Variants in TMEM132C observed in about 807,000 individuals in gnomAD.
The protein encoded by TMEM132C is protein phosphatase 1, regulatory subunit 152.
In TMEM132C, 29 loss-of-function variants were observed where a neutral mutation model predicts 61.4. The observed-to-expected ratio is 0.47, with a 90% CI of 0.35 to 0.64. The LOEUF (loss-of-function observed/expected upper bound fraction) is 0.64. TMEM132C is among the 30% of genes least tolerant of loss of function. The pLI is 0.00. For synonymous variants in TMEM132C, 656 were observed against 633.1 expected, an observed-to-expected ratio of 1.04 and a Z score of -0.54; for missense variants, 1,408 against 1,476.9, an observed-to-expected ratio of 0.95 and a Z score of 0.76.
chr12:128,662,514 C>CG (rs1954401823), intron 4 of TMEM132C, among the ~76,000 whole-genome samples: 1 of 152,142 alleles, frequency 6.6e-6, no homozygotes, highest in Non-Finnish European at 1.5e-5. Flanking sequence ...CTTGACCTGC[C>CG]GAGAAGTTGT....
chr12:128,472,812 G>A (rs1417502680), intron 2 of TMEM132C, among the ~76,000 whole-genome samples: 2 of 152,136 alleles, frequency 1.3e-5, no homozygotes, highest in African/African-American at 4.8e-5. Context: ...TTTGCTGTTA[G>A]TTATAAAATG....
At chr12:128,387,396 T>C (rs1874621075) in intron 1 of TMEM132C, among the ~76,000 whole-genome samples, 1 of 152,222 alleles carries the variant, frequency 6.6e-6, no homozygotes, top group African/African-American at 2.4e-5. Flanking sequence ...TTGGGAAACC[T>C]GTGCCTGGGA....
chr12:128,694,508 G>A (rs1954743208), intron 6 of TMEM132C, among the ~76,000 whole-genome samples: 2 of 152,188 alleles, frequency 1.3e-5, no homozygotes, highest in South Asian at 2.1e-4. Flanking sequence ...ATTCCGGACT[G>A]TCTGTCTGTC....
At position 128,707,100 on chromosome 12, in the gene TMEM132C, G is replaced by C. The variant is rs1321032213; in HGVS notation, c.*805G>C. The C allele has an allele frequency of 1.3e-5, 2 of 148,582 alleles. No homozygotes were observed. The highest frequency in any genetic ancestry group is 3.0e-5 in the Non-Finnish European group (2 of 66,934). The allele number at this position is 148,582 out of a possible 1,614,324, so 9.2% of individuals were successfully genotyped here. On this transcript the variant is annotated 3_prime_UTR_variant, in exon 9 of 9. Transcript: ENST00000435159. ...TGATAGTGGCGGGTTTTGTACAATTGGAGGGAGCCCTCAGAGCCTTCTGGG... is the reference window on the plus strand; with the variant it reads ...TGATAGTGGCGGGTTTTGTACAATTCGAGGGAGCCCTCAGAGCCTTCTGGG...
intron 4 of TMEM132C, among the ~76,000 whole-genome samples, chr12:128,653,912 C>G (rs932584320): frequency 6.6e-6 from 1 of 152,170 alleles, no homozygotes; most frequent in Non-Finnish European, 1.5e-5. Context: ...GCCAGAAGGG[C>G]GGGAATCCAA....
At chr12:128,470,128 G>T (rs915985602) in intron 2 of TMEM132C, among the ~76,000 whole-genome samples, 1 of 152,160 alleles carries the variant, frequency 6.6e-6, no homozygotes, top group Non-Finnish European at 1.5e-5. Context: ...AAGTGGACCA[G>T]CTTCTGAAAA....
chr12:128,488,584 C>T (rs1217304301), intron 2 of TMEM132C, among the ~76,000 whole-genome samples: 1 of 152,026 alleles, frequency 6.6e-6, no homozygotes, highest in Non-Finnish European at 1.5e-5. Context: ...TTGCTTGAAC[C>T]TGGGAGGCAG....
intron 2 of TMEM132C, among the ~76,000 whole-genome samples, chr12:128,523,367 T>C (rs1169428364): frequency 6.6e-6 from 1 of 152,234 alleles, no homozygotes; most frequent in Non-Finnish European, 1.5e-5. Flanking sequence ...ACTGTGCCGA[T>C]GCTTAATGCC....
chr12:128,539,185 G>T (rs1873642658), intron 2 of TMEM132C, among the ~76,000 whole-genome samples: 1 of 152,152 alleles, frequency 6.6e-6, no homozygotes, highest in African/African-American at 2.4e-5. Context: ...ATCAACCTGG[G>T]ATTCTTTCCA....
chr12:128,359,904 G>T (rs1873643309), intron 1 of TMEM132C, among the ~76,000 whole-genome samples: 1 of 152,030 alleles, frequency 6.6e-6, no homozygotes, highest in South Asian at 2.1e-4. Flanking sequence ...TGAGAGTGAA[G>T]TTTTATAGCA....
In TMEM132C at chr12:128,429,195, G is replaced by A. The variant is rs552746624; in HGVS notation, c.974+13575G>A. On this transcript the variant is annotated intron_variant, in intron 2 of 8. Coordinates refer to ENST00000435159, the MANE Select transcript of TMEM132C (RefSeq NM_001136103.3). ...TCTGCAATGTCTGGAGACATTTTTG[G>A]TTGTCAAAATTGGCGAGGGAGGTGC... Among the ~76,000 whole-genome samples the A allele has an allele frequency of 1.3e-4, 20 of 152,180 alleles. 1 individual carries two copies. The highest frequency in any genetic ancestry group is 3.4e-3 in the Middle Eastern group (1 of 294).
At chr12:128,553,888 G>C (rs562545950) in intron 3 of TMEM132C, among the ~76,000 whole-genome samples, 26 of 152,360 alleles carry the variant, frequency 1.7e-4, no homozygotes, top group Non-Finnish European at 3.4e-4. Flanking sequence ...GCCTGCGGGA[G>C]GAGAGGGAGG....
chr12:128,268,772 A>G (rs995599294), intron 1 of TMEM132C, among the ~76,000 whole-genome samples: 2 of 151,082 alleles, frequency 1.3e-5, no homozygotes, highest in South Asian at 4.2e-4. Flanking sequence ...AGAAAAATCT[A>G]CTTTCCTTGA....
At chr12:128,432,483 C>G (rs1243761045) in intron 2 of TMEM132C, among the ~76,000 whole-genome samples, 1 of 152,108 alleles carries the variant, frequency 6.6e-6, no homozygotes, top group East Asian at 1.9e-4. Context: ...AGACGTTTGT[C>G]CCAGCATCTT....
chr12:128,492,282 G>C (rs1871765497), intron 2 of TMEM132C, among the ~76,000 whole-genome samples: 1 of 152,118 alleles, frequency 6.6e-6, no homozygotes, highest in Non-Finnish European at 1.5e-5. Flanking sequence ...CCAAGTCTTT[G>C]CTATTGTGAA....
At chr12:128,637,221 C>T (rs1001786510) in intron 4 of TMEM132C, among the ~76,000 whole-genome samples, 4 of 152,122 alleles carry the variant, frequency 2.6e-5, no homozygotes, top group African/African-American at 7.2e-5. Flanking sequence ...GTGAGAAATC[C>T]TCCCCACAGC....
At chr12:128,531,452 G>T (rs10161418) in intron 2 of TMEM132C, among the ~76,000 whole-genome samples, 50,897 of 152,042 alleles carry the variant, frequency 0.33, 9,319 homozygotes, top group African/African-American at 0.47. Flanking sequence ...CAGATGGACT[G>T]GCAGTGGCTG....
At chr12:128,659,695 G>C (rs548082440) in intron 4 of TMEM132C, among the ~76,000 whole-genome samples, 1 of 152,232 alleles carries the variant, frequency 6.6e-6, no homozygotes, top group Non-Finnish European at 1.5e-5. Flanking sequence ...TGGATTAAGC[G>C]TCCTTAAGTG....
chr12:128,423,799 T>C lies in TMEM132C; in HGVS notation c.974+8179T>C, dbSNP rs570270342. ...CTGTAATCCCAGAACTTTGGGAGGC[T>C]GAGGCGGGCGGATCATGAGGTCAGG... On this transcript the variant is annotated intron_variant, in intron 2 of 8. Transcript: ENST00000435159. Among the ~76,000 whole-genome samples the C allele has an allele frequency of 7.9e-5, 12 of 151,416 alleles. No homozygotes were observed. The East Asian group carries it at 1.4e-3, about 17-fold the overall frequency.
Sources: gnomAD v4.1 joint callset for allele counts (sites outside exome capture counted in the v4.1 genomes callset) on GRCh38, gnomAD v4.1.1 for gene constraint, MANE v1.5 for transcripts, NCBI Gene and HGNC (gene_info 2026-07-23, HGNC 2026-07-21) for gene names.